The following SMOC2 variants were observed in gnomAD, a reference collection of about 807,000 sequenced individuals.
The protein encoded by SMOC2 is SPARC related modular calcium binding 2.
A neutral mutation model predicts 61.4 loss-of-function variants in SMOC2; 39 were observed. That is an observed-to-expected ratio of 0.64 (90% CI 0.49 to 0.83). SMOC2 has a LOEUF of 0.83. Ranked by LOEUF, SMOC2 falls within the 40% of genes least tolerant of loss-of-function variation. The pLI, the probability that SMOC2 is intolerant of heterozygous loss-of-function variation, is 0.00. For synonymous variants in SMOC2, 247 were observed against 239.9 expected (o/e 1.03, Z -0.27); for missense variants, 556 against 592.9 (o/e 0.94, Z 0.65).
At chr6:168,659,690 T>TTGTGTG (rs1562410877) in intron 11 of SMOC2, among the ~76,000 whole-genome samples, 2 of 52,928 alleles carry the variant, frequency 3.8e-5, no homozygotes, top group African/African-American at 8.3e-5. Flanking sequence ...AGGTTGTAGG[T>TTGTGTG]AGGGTGAGGG....
At chr6:168,539,196 A>G (rs1783820080) in intron 4 of SMOC2, among the ~76,000 whole-genome samples, 1 of 152,258 alleles carries the variant, frequency 6.6e-6, no homozygotes, top group Non-Finnish European at 1.5e-5. Context: ...TCCTCCCCTG[A>G]TTTTATATAT....
intron 9 of SMOC2, among the ~76,000 whole-genome samples, chr6:168,613,882 A>G (rs1785967092): frequency 4.1e-5 from 4 of 97,108 alleles, no homozygotes; most frequent in Non-Finnish European, 4.3e-5. Context: ...CAGCCAGCAC[A>G]GGACCTCTTC....
intron 2 of SMOC2, among the ~76,000 whole-genome samples, chr6:168,521,518 A>G (rs185928849): frequency 6.6e-6 from 1 of 152,254 alleles, no homozygotes; most frequent in East Asian, 1.9e-4. Context: ...TGTAACTGAG[A>G]GAGATGAAAT....
chr6:168,599,846 TCACA>T lies in SMOC2; in HGVS notation c.824+847_824+850del, dbSNP rs201249779. On this transcript the variant is annotated intron_variant, in intron 8 of 12. Transcript: ENST00000356284. ...ACACACACGCCCCCCACACCCACAG[TCACA>T]CACAGTCTTATACACACAATCACCC... Among the ~76,000 whole-genome samples, 602 of 106,330 alleles carry T rather than the reference TCACA, an allele frequency of 5.7e-3. 6 individuals carry two copies. Among genetic ancestry groups the T allele is most frequent in the Middle Eastern group, 0.036 (4 of 112 alleles). 69.8% of individuals were successfully genotyped at this position (106,330 alleles called of 152,430 possible).
intron 7 of SMOC2, among the ~76,000 whole-genome samples, chr6:168,570,561 GTGT>G (rs1294720035): frequency 4.6e-5 from 7 of 152,196 alleles, no homozygotes; most frequent in Non-Finnish European, 7.3e-5. Flanking sequence ...CTTTTGAAAA[GTGT>G]TGTCCATCTT....
intron 10 of SMOC2, among the ~76,000 whole-genome samples, chr6:168,652,177 TAACTAAACTAAATTGCA>T (rs1408791960): frequency 2.0e-5 from 3 of 152,232 alleles, no homozygotes; most frequent in Admixed American, 2.0e-4. Flanking sequence ...AATGAATTGC[TAACTAAACTAAATTGCA>T]AACTAAACTA....
chr6:168,516,012 G>A (rs1038591261), intron 2 of SMOC2, among the ~76,000 whole-genome samples: 3 of 152,272 alleles, frequency 2.0e-5, no homozygotes, highest in Non-Finnish European at 2.9e-5. Flanking sequence ...GCACAGTGTC[G>A]CCTCGGCACA....
At chr6:168,460,173 C>T (rs1479184500) in intron 1 of SMOC2, among the ~76,000 whole-genome samples, 4 of 152,196 alleles carry the variant, frequency 2.6e-5, no homozygotes, top group Non-Finnish European at 5.9e-5. Flanking sequence ...TCACAATTAG[C>T]ACACTTAAGA....
chr6:168,478,062 A>T (rs1318941108), intron 1 of SMOC2, among the ~76,000 whole-genome samples: 1 of 152,302 alleles, frequency 6.6e-6, no homozygotes, highest in African/African-American at 2.4e-5. Context: ...GACCTAAGGC[A>T]TGCCATGCTC....
intron 7 of SMOC2, among the ~76,000 whole-genome samples, chr6:168,575,745 G>A (rs1052819592): frequency 1.3e-5 from 2 of 152,216 alleles, no homozygotes; most frequent in African/African-American, 4.8e-5. Context: ...CTATACCCCT[G>A]GCTCTGTCTT....
chr6:168,477,783 C>G (rs1395775629), intron 1 of SMOC2, among the ~76,000 whole-genome samples: 5 of 152,154 alleles, frequency 3.3e-5, no homozygotes, highest in Admixed American at 1.3e-4. Flanking sequence ...CCCTAATGTG[C>G]TTGACTTTTA....
intron 1 of SMOC2, among the ~76,000 whole-genome samples, chr6:168,496,299 A>G (rs745694651): frequency 1.4e-4 from 22 of 152,174 alleles, no homozygotes; most frequent in Non-Finnish European, 2.8e-4. Context: ...CTGTTTCTAG[A>G]TAACACTGTC....
At chr6:168,630,849 C>T (rs1786548244) in intron 9 of SMOC2, among the ~76,000 whole-genome samples, 2 of 152,210 alleles carry the variant, frequency 1.3e-5, no homozygotes, top group Admixed American at 6.5e-5. Flanking sequence ...TCCTATAGTG[C>T]TCCCAGGCTT....
chr6:168,458,813 ACTC>A (rs1450948949), intron 1 of SMOC2, among the ~76,000 whole-genome samples: 7 of 151,944 alleles, frequency 4.6e-5, no homozygotes, highest in Non-Finnish European at 8.8e-5. Context: ...CTGAACGCCC[ACTC>A]CTCGGTGTAA....
intron 9 of SMOC2, among the ~76,000 whole-genome samples, chr6:168,643,139 C>T (rs929886620): frequency 2.6e-5 from 4 of 152,268 alleles, no homozygotes; most frequent in Admixed American, 6.5e-5. Flanking sequence ...GTCCCCGTTC[C>T]AAACTTCGCC....
intron 1 of SMOC2, among the ~76,000 whole-genome samples, chr6:168,494,298 T>C (rs1210645083): frequency 1.3e-5 from 2 of 152,192 alleles, no homozygotes; most frequent in Non-Finnish European, 2.9e-5. Flanking sequence ...GGTAGTTCAG[T>C]GGTAGGGCAG....
chr6:168,627,534 T>C (rs1786445998), intron 9 of SMOC2, among the ~76,000 whole-genome samples: 1 of 152,144 alleles, frequency 6.6e-6, no homozygotes, highest in South Asian at 2.1e-4. Flanking sequence ...AACTACAAAA[T>C]CCAGTGACTC....
At chr6:168,587,217 T>C (rs375479230) in intron 7 of SMOC2, among the ~76,000 whole-genome samples, 1 of 152,264 alleles carries the variant, frequency 6.6e-6, no homozygotes, top group Admixed American at 6.5e-5. Flanking sequence ...TTTATCTTTC[T>C]TTCTAAATAC....
chr6:168,618,251 A>T (rs188259095), intron 9 of SMOC2, among the ~76,000 whole-genome samples: 2 of 152,252 alleles, frequency 1.3e-5, no homozygotes, highest in African/African-American at 4.8e-5. Flanking sequence ...GCCGATCATG[A>T]TTAGTAACAA....
Sources: allele counts gnomAD v4.1 joint callset (sites outside exome capture counted in the v4.1 genomes callset), GRCh38; gene constraint gnomAD v4.1.1; transcripts MANE v1.5; gene names NCBI Gene and HGNC (gene_info 2026-07-23, HGNC 2026-07-21).